Variants in GRIK1 observed in about 807,000 individuals in gnomAD.
The protein encoded by GRIK1 is glutamate receptor ionotropic, kainate 1.
Under a neutral mutation model 105.7 loss-of-function variants are expected in GRIK1, and 69 were observed. That is an observed-to-expected ratio of 0.65 (90% confidence interval 0.54 to 0.80). The LOEUF (loss-of-function observed/expected upper bound fraction) is 0.80. GRIK1 is among the 30% of genes least tolerant of loss of function. The pLI is 0.00. For synonymous variants in GRIK1, 438 were observed against 431.3 expected (o/e 1.02, Z -0.19); for missense variants, 1,109 against 1,167.3 (o/e 0.95, Z 0.73).
intron 1 of GRIK1, among the ~76,000 whole-genome samples, chr21:29,779,601 G>A (rs967948475): frequency 2.0e-5 from 3 of 151,964 alleles, no homozygotes; most frequent in African/African-American, 7.3e-5. Context: ...CAATTGAAGA[G>A]GTAAGTAATA....
intron 1 of GRIK1, among the ~76,000 whole-genome samples, chr21:29,901,839 A>G (rs2070421610): frequency 6.6e-6 from 1 of 152,134 alleles, no homozygotes; most frequent in African/African-American, 2.4e-5. Flanking sequence ...CAGAGACACA[A>G]GAAAAAAAAG....
At chr21:29,561,931 A>G (rs567909152) in intron 14 of GRIK1, 82 bp from the exon 15 acceptor site, 1 of 754,214 alleles carries the variant, frequency 1.3e-6, no homozygotes, top group South Asian at 1.5e-5. Flanking sequence ...CCAATGGTTC[A>G]AATAATGATA....
intron 1 of GRIK1, among the ~76,000 whole-genome samples, chr21:29,781,320 C>T (rs895634310): frequency 6.7e-4 from 102 of 152,294 alleles, no homozygotes; most frequent in African/African-American, 2.2e-3. Context: ...TTCCTTTCTT[C>T]CATCCCACCT....
At chr21:29,809,704 GC>G (rs1170972611) in intron 1 of GRIK1, among the ~76,000 whole-genome samples, 1 of 152,208 alleles carries the variant, frequency 6.6e-6, no homozygotes, top group African/African-American at 2.4e-5. Flanking sequence ...AAGAGGCCTA[GC>G]TTTCCGCCTG....
chr21:29,788,995 C>T (rs1287711374), intron 1 of GRIK1, among the ~76,000 whole-genome samples: 1 of 152,164 alleles, frequency 6.6e-6, no homozygotes, highest in African/African-American at 2.4e-5. Context: ...GCCACATGGC[C>T]CATTGGTTGG....
intron 9 of GRIK1, among the ~76,000 whole-genome samples, chr21:29,592,030 G>A (rs140502048): frequency 8.4e-4 from 128 of 152,256 alleles, no homozygotes; most frequent in Middle Eastern, 3.4e-3. Flanking sequence ...CAGCCTGGGT[G>A]ACAGAGCGAG....
chr21:29,728,311 T>C (rs775445225), intron 1 of GRIK1, among the ~76,000 whole-genome samples: 2 of 152,148 alleles, frequency 1.3e-5, no homozygotes, highest in South Asian at 2.1e-4. Context: ...TTATTTAGGT[T>C]TGGGAAACTG....
At chr21:29,699,489 C>T (rs1012877758) in intron 1 of GRIK1, among the ~76,000 whole-genome samples, 1 of 151,936 alleles carries the variant, frequency 6.6e-6, no homozygotes, top group South Asian at 2.1e-4. Context: ...TCTGGAGAAA[C>T]CAAACCTGCC....
chr21:29,774,968 G>T (rs986029199), intron 1 of GRIK1, among the ~76,000 whole-genome samples: 3 of 152,096 alleles, frequency 2.0e-5, no homozygotes, highest in African/African-American at 7.2e-5. Flanking sequence ...AGCTGGTCCT[G>T]CTCCTCATAT....
intron 1 of GRIK1, chr21:29,861,647 C>A: frequency 2.2e-6 from 1 of 452,102 alleles, no homozygotes; most frequent in South Asian, 1.6e-5. Context: ...CTTTTCCTAA[C>A]TTGCTGAGAA....
chr21:29,932,228 T>A (rs988778655), intron 1 of GRIK1, among the ~76,000 whole-genome samples: 2 of 152,152 alleles, frequency 1.3e-5, no homozygotes, highest in Admixed American at 1.3e-4. Flanking sequence ...ATGTGCCAAA[T>A]AATATTTTTA....
chr21:29,841,499 G>A (rs1221561405), intron 1 of GRIK1, among the ~76,000 whole-genome samples: 4 of 152,140 alleles, frequency 2.6e-5, no homozygotes, highest in Admixed American at 2.6e-4. Context: ...GTGCTAATAA[G>A]TGTGATCTTC....
At chr21:29,884,145 G>A (rs114548220) in intron 1 of GRIK1, among the ~76,000 whole-genome samples, 5 of 152,040 alleles carry the variant, frequency 3.3e-5, no homozygotes, top group African/African-American at 4.8e-5. Flanking sequence ...ATCACTGTTC[G>A]ATAAGCTGCT....
intron 1 of GRIK1, among the ~76,000 whole-genome samples, chr21:29,774,888 T>G (rs998848672): frequency 2.0e-5 from 3 of 152,200 alleles, no homozygotes; most frequent in Admixed American, 6.5e-5. Flanking sequence ...GTTGCTGTCT[T>G]GAACTTCTTA....
At position 29,673,074 on chromosome 21, in the gene GRIK1, G is replaced by T; in HGVS notation, c.635C>A (p.Ala212Asp). ...IRQLPSGNKD[A>D]KPLLKEMKKG... ...CTTCATCTCCTTGAGTAAAGGCTTG[G>T]CATCTTTATTCCCAGAGGGCAGCTG... is the stretch of plus-strand genomic sequence containing the variant. Residue 212 changes from alanine to aspartate, a missense_variant, in exon 4 of 18, where the codon GCC becomes GAC. Ala to Asp is a moderately radical substitution (Grantham distance 126, BLOSUM62 -2). Coordinates refer to ENST00000327783, the MANE Select transcript of GRIK1 (RefSeq NM_001330994.2). 2 of 1,610,384 alleles carry T rather than the reference G, an allele frequency of 1.2e-6. No homozygotes were observed.
chr21:29,671,478 G>T (rs1056726340), intron 4 of GRIK1, among the ~76,000 whole-genome samples: 2 of 149,946 alleles, frequency 1.3e-5, no homozygotes, highest in Admixed American at 1.3e-4. Flanking sequence ...GACTGCTGAT[G>T]TTCAGTGCAA....
chr21:29,880,981 C>T (rs1455909479), intron 1 of GRIK1, among the ~76,000 whole-genome samples: 2 of 152,108 alleles, frequency 1.3e-5, no homozygotes, highest in South Asian at 2.1e-4. Flanking sequence ...TTGGGTGCCA[C>T]TGAACAACAC....
intron 1 of GRIK1, among the ~76,000 whole-genome samples, chr21:29,868,897 G>GA (rs947833209): frequency 6.6e-5 from 10 of 152,220 alleles, no homozygotes; most frequent in Non-Finnish European, 1.5e-4. Flanking sequence ...AATGAGGCCT[G>GA]AAAAAACAGA....
intron 1 of GRIK1, among the ~76,000 whole-genome samples, chr21:29,709,184 C>G (rs2063984712): frequency 1.3e-5 from 2 of 151,994 alleles, no homozygotes; most frequent in South Asian, 4.2e-4. Flanking sequence ...TTCCATTGAT[C>G]CATCTGTATA....
Sources: allele counts gnomAD v4.1 joint callset (sites outside exome capture counted in the v4.1 genomes callset), GRCh38; gene constraint gnomAD v4.1.1; transcripts MANE v1.5; gene names NCBI Gene and HGNC (gene_info 2026-07-23, HGNC 2026-07-21).